Variants in KIAA1328 observed in about 807,000 individuals in gnomAD.
KIAA1328 encodes protein hinderin.
KIAA1328 carries 52 observed loss-of-function variants against 68.1 expected under a neutral mutation model. The ratio of observed to expected loss-of-function variants is 0.76; its 90% CI spans 0.61 to 0.96. The LOEUF is 0.96. Ranked by LOEUF, KIAA1328 falls within the 40% of genes least tolerant of loss-of-function variation. The probability of loss-of-function intolerance (pLI) is 0.00; values close to 1 mark genes in which losing one functional copy is unlikely to be tolerated. For missense variants in KIAA1328, 641 were observed against 677.6 expected (o/e 0.95, Z 0.60); for synonymous variants, 232 against 239.4 (o/e 0.97, Z 0.28).
At chr18:36,878,323 C>G (rs935453942) in intron 4 of KIAA1328, among the ~76,000 whole-genome samples, 1 of 152,124 alleles carries the variant, frequency 6.6e-6, no homozygotes, top group East Asian at 1.9e-4. Context: ...GTTGAAAATT[C>G]TTTTAAGAGT....
chr18:37,161,161 T>A (rs757066600), intron 8 of KIAA1328, among the ~76,000 whole-genome samples: 4 of 152,156 alleles, frequency 2.6e-5, no homozygotes, highest in Admixed American at 2.6e-4. Context: ...TAACCCAGAT[T>A]TCCTTCTTAT....
intron 5 of KIAA1328, among the ~76,000 whole-genome samples, chr18:36,953,991 G>GTTTC (rs1273008171): frequency 6.8e-5 from 5 of 73,840 alleles, no homozygotes; most frequent in Non-Finnish European, 1.4e-4. Context: ...TTGTCTGATT[G>GTTTC]TTTCTTTTTT....
rs143922060 is a variant in KIAA1328, at chr18:36,885,455, C to T, written c.333-102C>T. The T allele has an allele frequency of 1.8e-4, 111 of 608,754 alleles. No homozygotes were observed. The East Asian group carries it at 2.3e-3, about 12-fold the overall frequency. 37.7% of individuals were successfully genotyped at this position (608,754 alleles called of 1,614,324 possible). On this transcript the variant is annotated intron_variant, in intron 4 of 9. Transcript: ENST00000280020. ...CAGAACAGAGTGTTCCTGAAGAATT[C>T]GGCATACCTTTGGAAGAAGTCTGGT... is the stretch of plus-strand genomic sequence containing the variant.
chr18:37,196,374 GA>G (rs2060003616), intron 9 of KIAA1328, among the ~76,000 whole-genome samples: 1 of 152,190 alleles, frequency 6.6e-6, no homozygotes, highest in South Asian at 2.1e-4. Context: ...GATCTTAGTG[GA>G]AAAGCTTTCA....
intron 8 of KIAA1328, among the ~76,000 whole-genome samples, chr18:37,161,553 T>G (rs979308052): frequency 6.6e-6 from 1 of 152,262 alleles, no homozygotes; most frequent in Non-Finnish European, 1.5e-5. Context: ...TTTTAGACAT[T>G]GCTTCCAAAA....
At chr18:36,872,326 T>C (rs1366691007) in intron 4 of KIAA1328, among the ~76,000 whole-genome samples, 3 of 151,776 alleles carry the variant, frequency 2.0e-5, no homozygotes, top group Admixed American at 1.3e-4. Flanking sequence ...ACAGAAAATA[T>C]CACCTCAACC....
chr18:37,215,828 C>G (rs1427296206), intron 9 of KIAA1328, among the ~76,000 whole-genome samples: 1 of 152,066 alleles, frequency 6.6e-6, no homozygotes, highest in African/African-American at 2.4e-5. Context: ...ATTTCTGAGC[C>G]TGTTATTGGT....
rs186898443 is a variant in KIAA1328, at chr18:37,191,003, A to G, written c.1523+17922A>G. On this transcript the variant is annotated intron_variant, in intron 9 of 9. Coordinates refer to ENST00000280020, the MANE Select transcript of KIAA1328 (RefSeq NM_020776.3). Reference sequence around the variant, plus strand: ...TGGGAGAAACCCTAGTTGGTCCCCAATCTTGGTAATGGTCCATTAAAACTC... The same window carrying G: ...TGGGAGAAACCCTAGTTGGTCCCCAGTCTTGGTAATGGTCCATTAAAACTC... 3.4e-3 allele frequency among the ~76,000 whole-genome samples: 516 copies of G among 152,288 alleles called. 1 individual carries two copies. Among genetic ancestry groups the G allele is most frequent in the South Asian group, 6.8e-3 (33 of 4,824 alleles).
chr18:36,995,030 A>C (rs573976513), intron 6 of KIAA1328, among the ~76,000 whole-genome samples: 1 of 152,112 alleles, frequency 6.6e-6, no homozygotes, highest in Non-Finnish European at 1.5e-5. Context: ...ATAGGTATAC[A>C]CATGCCCTGG....
At chr18:37,154,946 C>G (rs2059122445) in intron 7 of KIAA1328, among the ~76,000 whole-genome samples, 1 of 152,070 alleles carries the variant, frequency 6.6e-6, no homozygotes, top group African/African-American at 2.4e-5. Context: ...ATATTTATTT[C>G]CCTTGACCCC....
At chr18:37,041,254 T>C (rs1401026594) in intron 6 of KIAA1328, among the ~76,000 whole-genome samples, 1 of 152,030 alleles carries the variant, frequency 6.6e-6, no homozygotes, top group Non-Finnish European at 1.5e-5. Context: ...ATATTTATAA[T>C]TATTATGTCT....
At chr18:37,159,520 G>A (rs916150404) in intron 7 of KIAA1328, among the ~76,000 whole-genome samples, 13 of 152,124 alleles carry the variant, frequency 8.5e-5, no homozygotes, top group African/African-American at 3.1e-4. Flanking sequence ...AATAGTGAGA[G>A]ATAACACATC....
downstream of KIAA1328, among the ~76,000 whole-genome samples, chr18:37,226,715 CTTT>C (rs763991741): frequency 0.015 from 1,985 of 128,690 alleles, 37 homozygotes; most frequent in African/African-American, 0.053. Flanking sequence ...GGGTTGTTCC[CTTT>C]TTTTTTTTTT....
At chr18:37,190,589 AC>A (rs1029348045) in intron 9 of KIAA1328, among the ~76,000 whole-genome samples, 31 of 152,044 alleles carry the variant, frequency 2.0e-4, no homozygotes, top group Non-Finnish European at 2.9e-5. Flanking sequence ...ACATTTCTTC[AC>A]CCTTCTGGGA....
chr18:36,896,191 T>G (rs2048862269), intron 5 of KIAA1328, among the ~76,000 whole-genome samples: 1 of 152,186 alleles, frequency 6.6e-6, no homozygotes, highest in Non-Finnish European at 1.5e-5. Flanking sequence ...TCTGATCATT[T>G]TAGCTTTATT....
At chr18:37,117,480 C>T (rs752752374) in intron 7 of KIAA1328, among the ~76,000 whole-genome samples, 4 of 152,052 alleles carry the variant, frequency 2.6e-5, no homozygotes, top group Admixed American at 6.5e-5. Context: ...ACATCCCACA[C>T]TGGGGCCTGT....
intron 6 of KIAA1328, among the ~76,000 whole-genome samples, chr18:36,978,254 A>G (rs1202967530): frequency 6.6e-6 from 1 of 152,206 alleles, no homozygotes; most frequent in Non-Finnish European, 1.5e-5. Context: ...GACTCACTGG[A>G]GACTCAGAAC....
chr18:36,954,170 T>C (rs1037026365), intron 5 of KIAA1328, among the ~76,000 whole-genome samples: 1 of 151,736 alleles, frequency 6.6e-6, no homozygotes, highest in Non-Finnish European at 1.5e-5. Context: ...GCCCGGCTAA[T>C]TTTTTGTATT....
chr18:37,036,939 C>T (rs1270558068), intron 6 of KIAA1328, among the ~76,000 whole-genome samples: 2 of 152,118 alleles, frequency 1.3e-5, no homozygotes, highest in African/African-American at 2.4e-5. Context: ...AAGAGTTATA[C>T]CTCACAATGA....
Sources: gnomAD v4.1 joint callset for allele counts (sites outside exome capture counted in the v4.1 genomes callset) on GRCh38, gnomAD v4.1.1 for gene constraint, MANE v1.5 for transcripts, NCBI Gene and HGNC (gene_info 2026-07-23, HGNC 2026-07-21) for gene names.